Variants in TMCC3 observed in about 807,000 individuals in gnomAD.
TMCC3 encodes transmembrane and coiled-coil domain protein 3.
TMCC3 carries 28 observed loss-of-function variants against 40.2 expected under a neutral mutation model. The ratio of observed to expected loss-of-function variants is 0.70; its 90% CI spans 0.52 to 0.95. The LOEUF is 0.95. TMCC3 is among the 40% of genes least tolerant of loss of function. The pLI, the probability that TMCC3 is intolerant of heterozygous loss-of-function variation, is 0.00. For missense variants in TMCC3, 554 were observed against 615.2 expected (o/e 0.90, Z 1.05); for synonymous variants, 255 against 248.5 (o/e 1.03, Z -0.25).
intron 1 of TMCC3, among the ~76,000 whole-genome samples, chr12:94,630,589 G>T (rs2625936): frequency 2.6e-5 from 4 of 152,038 alleles, no homozygotes; most frequent in African/African-American, 4.8e-5. Flanking sequence ...TTTTAACCCA[G>T]GTGGAGCCTT....
In TMCC3 at chr12:94,579,793, CTG is replaced by C. The variant is rs758504432; in HGVS notation, c.996-1266_996-1265del. Reference sequence around the variant, plus strand: ...GTCTCTTCAGTAATACAGGTGGTGACTGTAACACGCGGGTCACAAACGTAACC... The same window carrying C: ...GTCTCTTCAGTAATACAGGTGGTGACTAACACGCGGGTCACAAACGTAACC... On this transcript the variant is annotated intron_variant, in intron 2 of 3. Transcript: ENST00000261226. 3.9e-5 allele frequency among the ~76,000 whole-genome samples: 6 copies of C among 152,342 alleles called. No individual in the cohort carries two copies. The South Asian group carries it at 1.0e-3, about 26-fold the overall frequency.
chr12:94,641,199 C>CA (rs112330938), intron 1 of TMCC3, among the ~76,000 whole-genome samples: 4,106 of 142,948 alleles, frequency 0.029, 184 homozygotes, highest in African/African-American at 0.096. Context: ...GACCCTGTCT[C>CA]AAAAAAAAAA....
chr12:94,590,980 T>G, intron 1 of TMCC3: 1 of 562,684 alleles, frequency 1.8e-6, no homozygotes, highest in Admixed American at 2.0e-5. Flanking sequence ...AAATATGATC[T>G]TGGGAGATGA....
At chr12:94,574,349 C>G (rs1432845100) in intron 3 of TMCC3, among the ~76,000 whole-genome samples, 1 of 150,696 alleles carries the variant, frequency 6.6e-6, no homozygotes, top group Non-Finnish European at 1.5e-5. Flanking sequence ...GATCACGCCA[C>G]TACACTCCAG....
chr12:94,633,326 T>C (rs991406027), intron 1 of TMCC3, among the ~76,000 whole-genome samples: 19 of 152,284 alleles, frequency 1.2e-4, no homozygotes, highest in Middle Eastern at 3.4e-3. Flanking sequence ...GGCATCTAGA[T>C]AGCTGTTTAT....
intron 1 of TMCC3, among the ~76,000 whole-genome samples, chr12:94,645,955 C>T (rs2069015847): frequency 6.6e-6 from 1 of 152,136 alleles, no homozygotes; most frequent in African/African-American, 2.4e-5. Flanking sequence ...ATTTTATAGA[C>T]ATTACTGAAT....
At chr12:94,597,482 A>G (rs1371852493) in intron 1 of TMCC3, among the ~76,000 whole-genome samples, 1 of 151,950 alleles carries the variant, frequency 6.6e-6, no homozygotes, top group Non-Finnish European at 1.5e-5. Context: ...TCAATCCATT[A>G]TTTGTGATGG....
intron 1 of TMCC3, chr12:94,644,263 T>G (rs1461547398): frequency 2.6e-6 from 1 of 391,154 alleles, no homozygotes; most frequent in East Asian, 1.6e-4. Flanking sequence ...TCTCTTCCTC[T>G]TCTCTTGTCA....
Position 94,582,120 on chromosome 12 carries a change from G to C in TMCC3, c.497C>G (p.Ser166Cys), listed in dbSNP as rs1349042837. The change falls in exon 2 of 4, where the codon TCT (serine) becomes TGT (cysteine). Residue 166 changes from serine (S) to cysteine (C), a missense_variant. Ser to Cys is a moderately radical substitution (Grantham distance 112, BLOSUM62 -1). Coordinates refer to ENST00000261226, the MANE Select transcript of TMCC3 (RefSeq NM_020698.4). ...AGATTTCACGTGGGCATCTTTCAAA[G>C]AGCGATGTATATCCTTCAGGTGGTC... Reference protein sequence around the residue: ...SKDHLKDIHRSLKDAHVKSRT... With the variant: ...SKDHLKDIHRCLKDAHVKSRT... 6.2e-7 allele frequency: 1 copy of C among 1,614,184 alleles called. No homozygotes were observed. Among genetic ancestry groups the C allele is most frequent in the Admixed American group, 1.7e-5 (1 of 60,032 alleles).
rs533257724 is a variant in TMCC3, at chr12:94,605,470, G to A, written c.79-22932C>T. On this transcript the variant is annotated intron_variant, in intron 1 of 3. Transcript: ENST00000261226. ...TGTTGCATACCAACATTAAGTAAGC[G>A]TCTATCTGGGATGCTGGGATCATGT... Among the ~76,000 whole-genome samples the A allele has an allele frequency of 6.8e-4, 103 of 152,212 alleles. 1 individual carries two copies. In the South Asian group the frequency reaches 0.018, roughly 27 times the overall value.
At chr12:94,628,505 C>A (rs1171620759) in intron 1 of TMCC3, among the ~76,000 whole-genome samples, 1 of 152,166 alleles carries the variant, frequency 6.6e-6, no homozygotes, top group Non-Finnish European at 1.5e-5. Flanking sequence ...TCTCAGGCAG[C>A]AAAGGGTGAA....
intron 1 of TMCC3, among the ~76,000 whole-genome samples, chr12:94,605,390 A>G (rs1250805726): frequency 6.6e-6 from 1 of 152,248 alleles, no homozygotes; most frequent in East Asian, 1.9e-4. Context: ...TTCAGGTCAC[A>G]TAAGAATGGT....
intron 1 of TMCC3, among the ~76,000 whole-genome samples, chr12:94,601,245 T>C (rs1457974520): frequency 6.6e-6 from 1 of 152,172 alleles, no homozygotes; most frequent in African/African-American, 2.4e-5. Context: ...CCGGGCGCGG[T>C]GGCTCATGAC....
Position 94,610,883 on chromosome 12 carries a change from T to C in TMCC3, c.79-28345A>G, listed in dbSNP as rs189481319. Reference sequence around the variant, plus strand: ...AAGCTGTCTTAAGAACTGTGGATGGTAGTTACCTCTGGGGAATAGGACTGG... The same window carrying C: ...AAGCTGTCTTAAGAACTGTGGATGGCAGTTACCTCTGGGGAATAGGACTGG... On this transcript the variant is annotated intron_variant, in intron 1 of 3. Transcript: ENST00000261226. Among the ~76,000 whole-genome samples the C allele has an allele frequency of 3.3e-4, 50 of 152,322 alleles. No homozygotes were observed. In the East Asian group the frequency reaches 7.7e-3, roughly 23 times the overall value.
In TMCC3 at chr12:94,650,537, G is replaced by A; in HGVS notation, c.-107C>T. On this transcript the variant is annotated 5_prime_UTR_variant, in exon 1 of 4. Coordinates refer to ENST00000261226, the MANE Select transcript of TMCC3 (RefSeq NM_020698.4). ...GAGCCGCGGGCGAGGGGGCGGCGCG[G>A]CTGCTGCAGCTGTTGCCTCTGGTGC... is the stretch of plus-strand genomic sequence containing the variant. 2 of 912,490 alleles carry A rather than the reference G, an allele frequency of 2.2e-6. No individual in the cohort carries two copies. Among genetic ancestry groups the A allele is most frequent in the East Asian group, 3.9e-5 (1 of 25,504 alleles). 56.5% of individuals were successfully genotyped at this position (912,490 alleles called of 1,614,324 possible). A position where few individuals can be genotyped will look rare whatever the true frequency, so the allele number is the denominator to read the frequency against.
At chr12:94,581,517 C>T (rs2138824936) in intron 2 of TMCC3, 105 bp downstream of exon 2, 1 of 706,778 alleles carries the variant, frequency 1.4e-6, no homozygotes, top group South Asian at 7.6e-5. Flanking sequence ...CACTAAGTAT[C>T]CGTGGTAATA....
intron 1 of TMCC3, among the ~76,000 whole-genome samples, chr12:94,596,761 C>T (rs2068717603): frequency 6.6e-6 from 1 of 151,974 alleles, no homozygotes. Flanking sequence ...CCAACTAGGG[C>T]AGCCAGTTGT....
At chr12:94,593,391 A>AAGAAGAAG (rs1555282847) in intron 1 of TMCC3, among the ~76,000 whole-genome samples, 5 of 62,774 alleles carry the variant, frequency 8.0e-5, no homozygotes, top group South Asian at 5.2e-4. Flanking sequence ...AAGAAAGAAG[A>AAGAAGAAG]AAGAAGAAAG....
intron 1 of TMCC3, among the ~76,000 whole-genome samples, chr12:94,614,887 C>T (rs1170383530): frequency 6.6e-6 from 1 of 151,912 alleles, no homozygotes. Flanking sequence ...CTCAGCCTCC[C>T]GAGTAGCTGG....
Sources: allele counts gnomAD v4.1 joint callset (sites outside exome capture counted in the v4.1 genomes callset), GRCh38; gene constraint gnomAD v4.1.1; transcripts MANE v1.5; gene names NCBI Gene and HGNC (gene_info 2026-07-23, HGNC 2026-07-21).